The following TBC1D5 variants were observed in gnomAD, a reference collection of about 807,000 sequenced individuals.
The protein encoded by TBC1D5 is TBC1 domain family, member 5.
Under a neutral mutation model 100.3 loss-of-function variants are expected in TBC1D5, and 75 were observed. The observed-to-expected ratio is 0.75, with a 90% CI of 0.62 to 0.91. The LOEUF is 0.91. Among genes scored for constraint, TBC1D5 ranks in the 40% least tolerant of loss-of-function variants. The probability of loss-of-function intolerance (pLI) is 0.00; values close to 1 mark genes in which losing one functional copy is unlikely to be tolerated. For missense variants in TBC1D5, 910 were observed against 942.4 expected (o/e 0.97, Z 0.45); for synonymous variants, 323 against 325.6 (o/e 0.99, Z 0.09).
At chr3:17,163,262 C>A (rs527857452) in intron 21 of TBC1D5, among the ~76,000 whole-genome samples, 12 of 63,426 alleles carry the variant, frequency 1.9e-4, no homozygotes, top group Non-Finnish European at 2.6e-4. Flanking sequence ...TTGACCCCCC[C>A]CCCTTCCTTG....
intron 1 of TBC1D5, among the ~76,000 whole-genome samples, chr3:17,693,996 G>A (rs1358284003): frequency 2.0e-5 from 3 of 152,182 alleles, no homozygotes; most frequent in African/African-American, 7.2e-5. Context: ...ACCTGCAGCT[G>A]AGGGACCTGA....
chr3:17,562,420 AT>A (rs1421905529), intron 2 of TBC1D5, among the ~76,000 whole-genome samples: 1 of 152,042 alleles, frequency 6.6e-6, no homozygotes, highest in Non-Finnish European at 1.5e-5. Flanking sequence ...GGAAGACAAA[AT>A]TATAATTTGC....
At chr3:17,355,954 T>C (rs949291142) in intron 13 of TBC1D5, among the ~76,000 whole-genome samples, 4 of 152,124 alleles carry the variant, frequency 2.6e-5, no homozygotes, top group Non-Finnish European at 5.9e-5. Context: ...CAGAAGTATT[T>C]TGAGGAATAA....
intron 2 of TBC1D5, among the ~76,000 whole-genome samples, chr3:17,622,350 A>T (rs1161181995): frequency 2.6e-5 from 4 of 152,022 alleles, no homozygotes. Flanking sequence ...GTTCTAAATG[A>T]CTTCTCAGTT....
intron 16 of TBC1D5, among the ~76,000 whole-genome samples, chr3:17,242,241 T>C (rs576635622): frequency 8.4e-4 from 128 of 152,256 alleles, no homozygotes; most frequent in African/African-American, 2.8e-3. Context: ...CATTATCACA[T>C]TATCACCTCT....
At chr3:17,313,430 C>T (rs1160108043) in intron 13 of TBC1D5, among the ~76,000 whole-genome samples, 2 of 152,132 alleles carry the variant, frequency 1.3e-5, no homozygotes, top group African/African-American at 2.4e-5. Flanking sequence ...TGTAAATAGG[C>T]TTTGCTCTAC....
At chr3:17,213,312 G>A (rs1029777571) in intron 18 of TBC1D5, among the ~76,000 whole-genome samples, 12 of 152,136 alleles carry the variant, frequency 7.9e-5, no homozygotes, top group African/African-American at 1.4e-4. Flanking sequence ...ATGAAATTGC[G>A]TAACAACACA....
chr3:17,426,893 C>A (rs2094348020), intron 4 of TBC1D5, among the ~76,000 whole-genome samples: 1 of 151,738 alleles, frequency 6.6e-6, no homozygotes, highest in South Asian at 2.1e-4. Context: ...ATTTTTTTGT[C>A]TTGTTTATGT....
rs367750427 is a variant in TBC1D5 at position 17,238,149 on chromosome 3, G to A, written c.1588+14C>T. On this transcript the variant is annotated intron_variant, in intron 17 of 21. Transcript: ENST00000253692. The stretch of plus-strand genomic sequence containing the variant: ...ATGAATGTTTTCTTTAGATTTACTA[G>A]TATTTTTTCCTACCTTTGTTCAATT... 115 of 1,608,820 alleles carry A rather than the reference G, an allele frequency of 7.1e-5. No individual in the cohort carries two copies. In the African/African-American group the frequency reaches 1.4e-3, roughly 20 times the overall value.
chr3:17,479,455 A>G (rs1685026288), intron 3 of TBC1D5, among the ~76,000 whole-genome samples: 1 of 152,242 alleles, frequency 6.6e-6, no homozygotes, highest in South Asian at 2.1e-4. Flanking sequence ...TAGTTCAAGA[A>G]ATGATTCAAA....
chr3:17,513,231 C>T (rs932558688), intron 2 of TBC1D5, among the ~76,000 whole-genome samples: 9 of 151,640 alleles, frequency 5.9e-5, no homozygotes, highest in African/African-American at 1.9e-4. Flanking sequence ...ACTTGGGAGG[C>T]TGAGGCAGAA....
intron 15 of TBC1D5, among the ~76,000 whole-genome samples, chr3:17,269,185 A>T (rs1297939992): frequency 6.6e-6 from 1 of 152,150 alleles, no homozygotes; most frequent in Non-Finnish European, 1.5e-5. Flanking sequence ...GGGCATATTT[A>T]GATGCACAAG....
chr3:17,220,192 T>C (rs561857605), intron 17 of TBC1D5, among the ~76,000 whole-genome samples: 1 of 152,184 alleles, frequency 6.6e-6, no homozygotes, highest in African/African-American at 2.4e-5. Context: ...GGAACTGCTA[T>C]GTATAACTAT....
intron 13 of TBC1D5, among the ~76,000 whole-genome samples, chr3:17,347,082 A>C (rs969421956): frequency 6.6e-6 from 1 of 152,176 alleles, no homozygotes; most frequent in Non-Finnish European, 1.5e-5. Context: ...ATGTTTTACA[A>C]CCTAAAGTTT....
chr3:17,178,037 C>CTCATTCTTT (rs1390688469), intron 19 of TBC1D5, among the ~76,000 whole-genome samples: 1 of 149,602 alleles, frequency 6.7e-6, no homozygotes, highest in African/African-American at 2.5e-5. Flanking sequence ...ATGACAGGAT[C>CTCATTCTTT]TCATTCTTTT....
intron 1 of TBC1D5, among the ~76,000 whole-genome samples, chr3:17,731,715 A>G (rs2076571966): frequency 6.6e-6 from 1 of 152,230 alleles, no homozygotes; most frequent in East Asian, 1.9e-4. Flanking sequence ...TGAAGACACA[A>G]TGGGTTCAAA....
intron 2 of TBC1D5, among the ~76,000 whole-genome samples, chr3:17,511,877 T>C (rs1253787858): frequency 6.6e-6 from 1 of 152,008 alleles, no homozygotes; most frequent in African/African-American, 2.4e-5. Context: ...ACCAGCTAAC[T>C]AGTAATAATG....
At chr3:17,177,331 A>G (rs1274377712) in intron 19 of TBC1D5, among the ~76,000 whole-genome samples, 1 of 152,198 alleles carries the variant, frequency 6.6e-6, no homozygotes, top group Non-Finnish European at 1.5e-5. Flanking sequence ...GGTATAAGGA[A>G]GATGCTGACC....
intron 16 of TBC1D5, among the ~76,000 whole-genome samples, chr3:17,246,429 T>C (rs1028538872): frequency 6.6e-6 from 1 of 152,146 alleles, no homozygotes; most frequent in Non-Finnish European, 1.5e-5. Flanking sequence ...AAGTTGATTG[T>C]AAAATTTATA....
Sources: gnomAD v4.1 joint callset for allele counts (sites outside exome capture counted in the v4.1 genomes callset) on GRCh38, gnomAD v4.1.1 for gene constraint, MANE v1.5 for transcripts, NCBI Gene and HGNC (gene_info 2026-07-23, HGNC 2026-07-21) for gene names.